FREM1: variants seen among roughly 807,000 people sequenced by gnomAD.
The protein encoded by FREM1 is FRAS1-related extracellular matrix protein 1.
In FREM1, 220 loss-of-function variants were observed where a neutral mutation model predicts 210.1. The observed-to-expected ratio is 1.05, with a 90% confidence interval of 0.94 to 1.17. FREM1 has a LOEUF of 1.17. Ranked by LOEUF, FREM1 falls within the 50% of genes most tolerant of loss-of-function variation. The pLI is 0.00. For synonymous variants in FREM1, 1,189 were observed against 980.2 expected, an observed-to-expected ratio of 1.21 and a Z score of -3.98; for missense variants, 3,454 against 2,675.5, an observed-to-expected ratio of 1.29 and a Z score of -6.42.
chr9:14,862,173 TCA>T (rs1830714397), intron 3 of FREM1, among the ~76,000 whole-genome samples: 2 of 152,348 alleles, frequency 1.3e-5, no homozygotes, highest in East Asian at 3.9e-4. Context: ...AATTACCTGC[TCA>T]TCTTTTGCCT....
intron 34 of FREM1, 77 bp from the exon 35 acceptor site, chr9:14,746,545 A>C (rs976253765): frequency 1.1e-5 from 12 of 1,117,130 alleles, no homozygotes; most frequent in Middle Eastern, 2.3e-4. Flanking sequence ...GAGTCCTACG[A>C]GTTCCCTAAC....
chr9:14,872,629 C>A (rs1832893750), intron 1 of FREM1, among the ~76,000 whole-genome samples: 1 of 151,672 alleles, frequency 6.6e-6, no homozygotes, highest in African/African-American at 2.4e-5. Flanking sequence ...GACAATTTGA[C>A]TTCCTCTTTT....
intron 16 of FREM1, among the ~76,000 whole-genome samples, chr9:14,810,489 C>G (rs1323758343): frequency 6.6e-6 from 1 of 152,106 alleles, no homozygotes; most frequent in African/African-American, 2.4e-5. Flanking sequence ...TCTCACTCTG[C>G]TGCCCAGGTT....
chr9:14,826,070 A>G (rs1430698505), intron 10 of FREM1, among the ~76,000 whole-genome samples: 2 of 151,570 alleles, frequency 1.3e-5, no homozygotes, highest in Non-Finnish European at 2.9e-5. Flanking sequence ...ATGGCATCCA[A>G]GACTTTCAAT....
At chr9:14,820,952 T>G (rs1216489776) in intron 13 of FREM1, among the ~76,000 whole-genome samples, 1 of 152,228 alleles carries the variant, frequency 6.6e-6, no homozygotes, top group Non-Finnish European at 1.5e-5. Flanking sequence ...ATTTCCAATG[T>G]TTCAAGGAAT....
At chr9:14,804,758 C>T (rs1818049961) in intron 19 of FREM1, among the ~76,000 whole-genome samples, 198 bp downstream of exon 19, 1 of 151,996 alleles carries the variant, frequency 6.6e-6, no homozygotes, top group Non-Finnish European at 1.5e-5. Flanking sequence ...GAAGGGCTCT[C>T]CAGAGAAATC....
At position 14,866,892 on chromosome 9, in the gene FREM1, C is replaced by G. The variant is rs572395167; in HGVS notation, c.234+1852G>C. 5.3e-5 allele frequency among the ~76,000 whole-genome samples: 8 copies of G among 152,028 alleles called. No individual in the cohort carries two copies. In the East Asian group the frequency reaches 1.4e-3, roughly 26 times the overall value. ...CTTTTTTTTTTCAGACAGAGTCTCACACTATCACCCAGGCTGGAGTGTAGT... is the reference window on the plus strand; with the variant it reads ...CTTTTTTTTTTCAGACAGAGTCTCAGACTATCACCCAGGCTGGAGTGTAGT... On this transcript the variant is annotated intron_variant, in intron 2 of 36. Transcript: ENST00000380880.
rs1822842297 is a variant in FREM1, at chr9:14,828,192, C to T, written c.1882-3200G>A. 2.0e-5 allele frequency among the ~76,000 whole-genome samples: 3 copies of T among 152,202 alleles called. No homozygotes were observed. The South Asian group carries it at 6.2e-4, about 32-fold the overall frequency. ...TCTGACAGCTGTTGCCTGGGCTGTA[C>T]CCAGAAAAGCCATAAAGGTGGAATT... On this transcript the variant is annotated intron_variant, in intron 10 of 36. Transcript: ENST00000380880.
At chr9:14,856,821 G>C (rs1262782998) in intron 5 of FREM1, among the ~76,000 whole-genome samples, 1 of 141,940 alleles carries the variant, frequency 7.0e-6, no homozygotes, top group Non-Finnish European at 1.5e-5. Context: ...GGGCGACAGA[G>C]CGAGACTCCG....
chr9:14,743,859 T>A (rs1353551781), intron 35 of FREM1, among the ~76,000 whole-genome samples: 1 of 152,064 alleles, frequency 6.6e-6, no homozygotes, highest in Non-Finnish European at 1.5e-5. Flanking sequence ...TTGATCAACA[T>A]CAAAGCCCTT....
chr9:14,756,591 C>A, intron 28 of FREM1, 145 bp from the exon 29 acceptor site: 1 of 556,280 alleles, frequency 1.8e-6, no homozygotes, highest in Non-Finnish European at 3.0e-6. Flanking sequence ...ATTATATAAG[C>A]CATTTGGGAT....
At chr9:14,786,531 G>A (rs1029498740) in intron 23 of FREM1, among the ~76,000 whole-genome samples, 1 of 152,120 alleles carries the variant, frequency 6.6e-6, no homozygotes, top group Non-Finnish European at 1.5e-5. Flanking sequence ...CTCCCCAAGG[G>A]ACATTTGGCA....
intron 1 of FREM1, among the ~76,000 whole-genome samples, chr9:14,905,314 G>A (rs1817502513): frequency 6.6e-6 from 1 of 152,178 alleles, no homozygotes; most frequent in Admixed American, 6.5e-5. Context: ...GAATGAATAT[G>A]TCCTTCCTTT....
At chr9:14,889,425 C>T (rs1836386634) in intron 1 of FREM1, among the ~76,000 whole-genome samples, 1 of 152,138 alleles carries the variant, frequency 6.6e-6, no homozygotes, top group Non-Finnish European at 1.5e-5. Flanking sequence ...TGTCCCTTAG[C>T]CATTTGTGTG....
At chr9:14,789,178 G>T in intron 22 of FREM1, 64 bp from the exon 23 acceptor site, 1 of 1,098,294 alleles carries the variant, frequency 9.1e-7, no homozygotes. Flanking sequence ...GTACGTTAGT[G>T]GACATTTTCT....
At chr9:14,754,285 C>T (rs1038200258) in intron 29 of FREM1, among the ~76,000 whole-genome samples, 4 of 152,086 alleles carry the variant, frequency 2.6e-5, no homozygotes, top group South Asian at 2.1e-4. Flanking sequence ...TTGGGTTGGC[C>T]GCAAGAGCCT....
chr9:14,897,933 G>T (rs375493591), intron 1 of FREM1, among the ~76,000 whole-genome samples: 32 of 152,086 alleles, frequency 2.1e-4, no homozygotes, highest in African/African-American at 5.6e-4. Flanking sequence ...TTCCTGTTGA[G>T]GATCTTAGCA....
intron 15 of FREM1, among the ~76,000 whole-genome samples, chr9:14,815,334 A>G (rs1011010094): frequency 6.6e-6 from 1 of 152,214 alleles, no homozygotes; most frequent in Admixed American, 6.5e-5. Flanking sequence ...TAAAATGGGG[A>G]TAACTCCTTC....
At chr9:14,778,994 T>C (rs1172874405) in intron 24 of FREM1, among the ~76,000 whole-genome samples, 1 of 152,218 alleles carries the variant, frequency 6.6e-6, no homozygotes, top group Admixed American at 6.5e-5. Context: ...TATACATTTT[T>C]AGGTATAAAA....
Sources: gnomAD v4.1 joint callset for allele counts (sites outside exome capture counted in the v4.1 genomes callset) on GRCh38, gnomAD v4.1.1 for gene constraint, MANE v1.5 for transcripts, NCBI Gene and HGNC (gene_info 2026-07-23, HGNC 2026-07-21) for gene names.